TMEM198: variants seen among roughly 807,000 people sequenced by gnomAD.
TMEM198 encodes the protein transmembrane protein 198.
TMEM198 carries 21 observed loss-of-function variants against 31.5 expected under a neutral mutation model. That is an observed-to-expected ratio of 0.67 (90% CI 0.47 to 0.96). The LOEUF is 0.96. Among genes scored for constraint, TMEM198 ranks in the 40% least tolerant of loss-of-function variants. The pLI is 0.00. For synonymous variants in TMEM198, 211 were observed against 223.3 expected (o/e 0.95, Z 0.49); for missense variants, 447 against 499.4 (o/e 0.89, Z 1.00).
intron 3 of TMEM198, among the ~76,000 whole-genome samples, chr2:219,548,635 G>A (rs1197233089): frequency 6.6e-6 from 1 of 152,220 alleles, no homozygotes; most frequent in East Asian, 1.9e-4. Context: ...AGTATGGGAG[G>A]TGAGGTGTGG....
At chr2:219,544,640 C>G in intron 1 of TMEM198, 49 bp from the exon 2 acceptor site, 2 of 1,517,314 alleles carry the variant, frequency 1.3e-6, no homozygotes, top group Non-Finnish European at 9.0e-7. Context: ...CACCCCCATC[C>G]TGGTGGGGAC....
rs1695488321 is a variant in TMEM198 at position 219,549,484 on chromosome 2, G to A, written c.945+130G>A. ...GTTTGTCCATGAACTGTTTGTCCAT[G>A]CATCGGAGCCCATGCACCAGGGGCT... On this transcript the variant is annotated intron_variant, in intron 4 of 4. Coordinates refer to ENST00000373883, the MANE Select transcript of TMEM198 (RefSeq NM_001005209.3). The A allele has an allele frequency of 2.3e-6, 3 of 1,304,700 alleles. No homozygotes were observed. In the African/African-American group the frequency reaches 4.5e-5, roughly 19 times the overall value. The allele number at this position is 1,304,700 out of a possible 1,614,324, so 80.8% of individuals were successfully genotyped here.
Position 219,547,493 on chromosome 2 carries a change from T to C in TMEM198, c.167-13T>C, listed in dbSNP as rs370911258. 21 of 1,416,552 alleles carry C rather than the reference T, an allele frequency of 1.5e-5. No homozygotes were observed. In the African/African-American group the frequency reaches 1.9e-4, roughly 13 times the overall value. 87.7% of individuals were successfully genotyped at this position (1,416,552 alleles called of 1,614,324 possible). The stretch of plus-strand genomic sequence containing the variant: ...CTCATCTTGGCCCCTCACTAGCCCC[T>C]GTTCCCCTCCAGGTTACCGCTGCTT... On this transcript the variant is annotated splice_polypyrimidine_tract_variant and intron_variant, in intron 2 of 4. Coordinates refer to ENST00000373883, the MANE Select transcript of TMEM198 (RefSeq NM_001005209.3).
chr2:219,548,497 G>C (rs539084224), intron 3 of TMEM198, among the ~76,000 whole-genome samples: 6 of 152,186 alleles, frequency 3.9e-5, no homozygotes, highest in African/African-American at 1.2e-4. Flanking sequence ...CTGCTTGAAG[G>C]AGGTGATATG....
chr2:219,547,898 G>A lies in TMEM198; in HGVS notation c.559G>A (p.Ala187Thr). Residue 187 changes from alanine to threonine, a missense_variant, in exon 3 of 5, where the codon GCC (alanine) becomes ACC (threonine). Physicochemically the swap from Ala to Thr is moderately conservative, Grantham distance 58. Transcript: ENST00000373883. The stretch of plus-strand genomic sequence containing the variant: ...GACTGGTGCTGCGCTGATCGCCACT[G>A]CCGCTGACTACTTCGCCGAGCTGCT... ...AVTGAALIAT[A>T]ADYFAELLLL... is the part of the protein sequence containing the mutation. 1.1e-5 allele frequency: 17 copies of A among 1,596,504 alleles called. No individual in the cohort carries two copies. The highest frequency in any genetic ancestry group is 1.7e-4 in the Middle Eastern group (1 of 5,912).
chr2:219,544,541 C>T, intron 1 of TMEM198, 148 bp from the exon 2 acceptor site: 3 of 676,392 alleles, frequency 4.4e-6, no homozygotes, highest in South Asian at 1.9e-5. Flanking sequence ...TGTCTTTGCT[C>T]CCCACTCCAG....
At chr2:219,545,932 C>T (rs973639663) in intron 2 of TMEM198, among the ~76,000 whole-genome samples, 28 of 152,092 alleles carry the variant, frequency 1.8e-4, no homozygotes, top group African/African-American at 3.9e-4. Flanking sequence ...AAGTGCCCCC[C>T]GCAAGGGTTC....
chr2:219,547,850 C>G lies in TMEM198; in HGVS notation c.511C>G (p.Leu171Val). The change falls in exon 3 of 5, where the codon CTC becomes GTC. Residue 171 changes from leucine to valine, a missense_variant. By Grantham distance (32) the Leu-to-Val change is conservative. Transcript: ENST00000373883. ...ALLTLRWPRP[L>V]TTLATAVTGA... ...GCTCACTCTGCGCTGGCCCCGCCCA[C>G]TCACCACCCTGGCCACCGCCGTGAC... 1 of 1,587,192 alleles carries G rather than the reference C, an allele frequency of 6.3e-7. No individual in the cohort carries two copies. Among genetic ancestry groups the G allele is most frequent in the East Asian group, 2.2e-5 (1 of 44,492 alleles).
chr2:219,548,120 G>A, intron 3 of TMEM198, 39 bp downstream of exon 3: 1 of 1,470,910 alleles, frequency 6.8e-7, no homozygotes, highest in Non-Finnish European at 9.0e-7. Flanking sequence ...GAGAGGAGTG[G>A]GTGGCCAGGG....
intron 4 of TMEM198, 113 bp from the exon 5 acceptor site, chr2:219,549,604 C>T: frequency 6.6e-7 from 1 of 1,506,648 alleles, no homozygotes; most frequent in Non-Finnish European, 9.0e-7. Context: ...GGGCTGTGGA[C>T]TCTGGGTCTA....
Position 219,544,679 on chromosome 2 carries a change from C to G in TMEM198, c.-39-10C>G. 1.9e-6 allele frequency: 3 copies of G among 1,597,498 alleles called. No homozygotes were observed. The highest frequency in any genetic ancestry group is 1.7e-6 in the Non-Finnish European group (2 of 1,170,042). ...GGACTCCTCCGTGACCCCAACTTTC[C>G]CTCTGTCAGGTTAACTTGGGAGGGT... is the stretch of plus-strand genomic sequence containing the variant. On this transcript the variant is annotated splice_polypyrimidine_tract_variant and intron_variant, in intron 1 of 4. Transcript: ENST00000373883.
At chr2:219,543,913 T>A, upstream of TMEM198, 1 of 363,160 alleles carries the variant, frequency 2.8e-6, no homozygotes, top group Non-Finnish European at 5.3e-6. Flanking sequence ...CCCTCCTCAG[T>A]GCGGGAGAGG....
rs755245287 is a variant in TMEM198, at chr2:219,550,213, C to A, written c.*359C>A. 27 of 225,738 alleles carry A rather than the reference C, an allele frequency of 1.2e-4. No homozygotes were observed. The highest frequency in any genetic ancestry group is 2.2e-4 in the Non-Finnish European group (25 of 114,720). 14.0% of individuals were successfully genotyped at this position (225,738 alleles called of 1,614,324 possible). On this transcript the variant is annotated 3_prime_UTR_variant, in exon 5 of 5. Coordinates refer to ENST00000373883, the MANE Select transcript of TMEM198 (RefSeq NM_001005209.3). ...TGGTAGGGTTTCTCCAGGCTCAGCC[C>A]CACCTCTTCACTCCCTGCCAAGGTC...
Position 219,544,111 on chromosome 2 carries a change from C to T in TMEM198, c.-306C>T. Reference sequence around the variant, plus strand: ...CATGGGGCCGCGGTTCTGGGGCGGCCCGAGCCCCGGCTCCTGCGCCTTCCC... The same window carrying T: ...CATGGGGCCGCGGTTCTGGGGCGGCTCGAGCCCCGGCTCCTGCGCCTTCCC... On this transcript the variant is annotated 5_prime_UTR_variant, in exon 1 of 5. Coordinates refer to ENST00000373883, the MANE Select transcript of TMEM198 (RefSeq NM_001005209.3). The T allele has an allele frequency of 2.2e-6, 1 of 451,188 alleles. No homozygotes were observed. Among genetic ancestry groups the T allele is most frequent in the Non-Finnish European group, 4.5e-6 (1 of 224,134 alleles). The allele number at this position is 451,188 out of a possible 1,614,324, so 27.9% of individuals were successfully genotyped here. A position where few individuals can be genotyped will look rare whatever the true frequency, so the allele number is the denominator to read the frequency against.
chr2:219,544,074 G>A lies in TMEM198; in HGVS notation c.-343G>A. 4.9e-6 allele frequency: 2 copies of A among 405,748 alleles called. No individual in the cohort carries two copies. Among genetic ancestry groups the A allele is most frequent in the Non-Finnish European group, 9.8e-6 (2 of 204,302 alleles). 25.1% of individuals were successfully genotyped at this position (405,748 alleles called of 1,614,324 possible). On this transcript the variant is annotated 5_prime_UTR_variant, in exon 1 of 5. Transcript: ENST00000373883. The stretch of plus-strand genomic sequence containing the variant: ...TGTCCATCAGCACCAAAGGCCGCGG[G>A]CGGGCTCAGGGCATGGGGCCGCGGT...
intron 1 of TMEM198, 47 bp from the exon 2 acceptor site, chr2:219,544,641 TG>T: frequency 1.3e-6 from 2 of 1,521,026 alleles, no homozygotes; most frequent in Non-Finnish European, 9.0e-7. Flanking sequence ...ACCCCCATCC[TG>T]GTGGGGACCC....
rs1283485947 is a variant in TMEM198 at position 219,547,854 on chromosome 2, C to T, written c.515C>T (p.Thr172Ile). ...ACTCTGCGCTGGCCCCGCCCACTCACCACCCTGGCCACCGCCGTGACTGGT... is the reference window on the plus strand; with the variant it reads ...ACTCTGCGCTGGCCCCGCCCACTCATCACCCTGGCCACCGCCGTGACTGGT... Reference protein sequence around the residue: ...LLTLRWPRPLTTLATAVTGAA... With the variant: ...LLTLRWPRPLITLATAVTGAA... Residue 172 changes from threonine to isoleucine, a missense_variant, in exon 3 of 5, where the codon ACC becomes ATC. Physicochemically the swap from Thr to Ile is moderately conservative, Grantham distance 89. Transcript: ENST00000373883. 1.3e-6 allele frequency: 2 copies of T among 1,586,622 alleles called. No individual in the cohort carries two copies. Among genetic ancestry groups the T allele is most frequent in the African/African-American group, 2.7e-5 (2 of 74,822 alleles).
intron 2 of TMEM198, among the ~76,000 whole-genome samples, chr2:219,547,029 T>C (rs575432026): frequency 1.3e-5 from 2 of 152,246 alleles, no homozygotes; most frequent in East Asian, 1.9e-4. Flanking sequence ...TCACCCGCCT[T>C]GGCCTCCCAT....
chr2:219,546,320 ACCTCCTTATTTCTGAAACTCCACAAACAC>A (rs1695388120), intron 2 of TMEM198, among the ~76,000 whole-genome samples: 1 of 152,054 alleles, frequency 6.6e-6, no homozygotes, highest in South Asian at 2.1e-4. Flanking sequence ...TGGCCCTATA[ACCTCCTTATTTCTGAAACTCCACAAACAC>A]TGTTTCCTTC....
Sources: allele counts gnomAD v4.1 joint callset (sites outside exome capture counted in the v4.1 genomes callset), GRCh38; gene constraint gnomAD v4.1.1; transcripts MANE v1.5; gene names NCBI Gene and HGNC (gene_info 2026-07-23, HGNC 2026-07-21).